The following GCA variants were observed in gnomAD, a reference collection of about 807,000 sequenced individuals.
GCA encodes grancalcin, EF-hand calcium-binding protein.
GCA carries 30 observed loss-of-function variants against 32.6 expected under a neutral mutation model. That is an observed-to-expected ratio of 0.92 (90% CI 0.69 to 1.25). GCA has a LOEUF of 1.25. Ranked by LOEUF, GCA falls within the 50% of genes most tolerant of loss-of-function variation. GCA has a pLI of 0.00. For synonymous variants in GCA, 102 were observed against 84.6 expected (o/e 1.21, Z -1.13); for missense variants, 291 against 266.8 (o/e 1.09, Z -0.63).
chr2:162,345,694 G>T (rs1322409086), intron 1 of GCA, among the ~76,000 whole-genome samples: 1 of 152,164 alleles, frequency 6.6e-6, no homozygotes, highest in Non-Finnish European at 1.5e-5. Context: ...TCGCCGGAAA[G>T]AGAAGTACCC....
intron 2 of GCA, among the ~76,000 whole-genome samples, chr2:162,349,364 A>G (rs533711832): frequency 3.5e-4 from 54 of 152,258 alleles, no homozygotes; most frequent in Admixed American, 2.7e-3. Context: ...GTTGAAATAA[A>G]TGAGCTTGTC....
intron 1 of GCA, among the ~76,000 whole-genome samples, chr2:162,327,746 A>T (rs1002089469): frequency 1.3e-5 from 2 of 152,222 alleles, no homozygotes; most frequent in African/African-American, 4.8e-5. Flanking sequence ...CTCCAGGAAC[A>T]GTTGGTCTGA....
chr2:162,343,425 C>T (rs1026795959), upstream of GCA, among the ~76,000 whole-genome samples: 2 of 152,218 alleles, frequency 1.3e-5, no homozygotes, highest in African/African-American at 4.8e-5. Context: ...AGTGTATAAA[C>T]AGCAAATAAG....
upstream of GCA, among the ~76,000 whole-genome samples, chr2:162,343,799 G>A (rs1183814160): frequency 6.6e-6 from 1 of 152,202 alleles, no homozygotes; most frequent in Non-Finnish European, 1.5e-5. Context: ...TGCCGGTTTG[G>A]GGTTTCTAGA....
chr2:162,348,337 A>T (rs1684816091), intron 2 of GCA, among the ~76,000 whole-genome samples: 1 of 152,212 alleles, frequency 6.6e-6, no homozygotes, highest in African/African-American at 2.4e-5. Flanking sequence ...AAAAAAACTC[A>T]GTTAAAACCT....
At chr2:162,345,118 T>TGGG (rs1684623896) in intron 1 of GCA, among the ~76,000 whole-genome samples, 1 of 138,584 alleles carries the variant, frequency 7.2e-6, no homozygotes, top group Admixed American at 7.2e-5. Context: ...GTGGTGGTGG[T>TGGG]GGTGGTGGTG....
intron 1 of GCA, among the ~76,000 whole-genome samples, chr2:162,333,292 A>G (rs1040656774): frequency 6.6e-6 from 1 of 152,164 alleles, no homozygotes; most frequent in Non-Finnish European, 1.5e-5. Flanking sequence ...TGAGACACCT[A>G]TTTATTAAGA....
chr2:162,321,834 G>C (rs551406138), intron 1 of GCA, among the ~76,000 whole-genome samples: 1 of 144,756 alleles, frequency 6.9e-6, no homozygotes, highest in African/African-American at 2.6e-5. Context: ...GAGATGGTGC[G>C]GTGCTAGTCT....
chr2:162,355,369 G>A (rs1685213593), intron 3 of GCA, among the ~76,000 whole-genome samples: 1 of 151,934 alleles, frequency 6.6e-6, no homozygotes, highest in Admixed American at 6.6e-5. Context: ...TTAACTCTTG[G>A]AATGTCTTAT....
chr2:162,333,191 T>C (rs2105278457), intron 1 of GCA, among the ~76,000 whole-genome samples: 1 of 152,152 alleles, frequency 6.6e-6, no homozygotes, highest in African/African-American at 2.4e-5. Context: ...CTGTATACCA[T>C]TTTGTTGAAG....
At chr2:162,325,971 G>A (rs1298504510) in intron 1 of GCA, among the ~76,000 whole-genome samples, 1 of 152,150 alleles carries the variant, frequency 6.6e-6, no homozygotes. Context: ...AGACGGGTTT[G>A]TTTAGGGTGA....
chr2:162,331,029 C>G (rs1056585906), intron 1 of GCA, among the ~76,000 whole-genome samples: 1 of 152,222 alleles, frequency 6.6e-6, no homozygotes, highest in Non-Finnish European at 1.5e-5. Flanking sequence ...CATACCTGAA[C>G]AAAGCTTACC....
upstream of GCA, among the ~76,000 whole-genome samples, chr2:162,339,808 T>C (rs1226263224): frequency 6.6e-6 from 1 of 152,212 alleles, no homozygotes; most frequent in Non-Finnish European, 1.5e-5. Flanking sequence ...CTTGGACTTC[T>C]AGTCTTCAGA....
chr2:162,319,657 A>C (rs745766599), intron 1 of GCA, among the ~76,000 whole-genome samples: 3 of 152,206 alleles, frequency 2.0e-5, no homozygotes, highest in Admixed American at 1.3e-4. Flanking sequence ...AGCCACATAA[A>C]TGTGAGTCCT....
At chr2:162,360,126 C>T in intron 7 of GCA, 91 bp from the exon 8 acceptor site, 1 of 791,322 alleles carries the variant, frequency 1.3e-6, no homozygotes, top group Non-Finnish European at 2.0e-6. Context: ...ACTTTTCTCT[C>T]TTAAGAAAAT....
chr2:162,372,920 C>G (rs1686011899), downstream of GCA, among the ~76,000 whole-genome samples: 1 of 152,004 alleles, frequency 6.6e-6, no homozygotes, highest in African/African-American at 2.4e-5. Flanking sequence ...GTTTATCATC[C>G]AAGTAAAAAA....
chr2:162,340,035 CA>C (rs1443392284), upstream of GCA, among the ~76,000 whole-genome samples: 1 of 152,108 alleles, frequency 6.6e-6, no homozygotes, highest in Non-Finnish European at 1.5e-5. Flanking sequence ...CAATGATGCC[CA>C]AAGAGGCCTT....
chr2:162,367,426 AAAG>A (rs1685787499), downstream of GCA, among the ~76,000 whole-genome samples: 2 of 152,006 alleles, frequency 1.3e-5, no homozygotes, highest in African/African-American at 4.8e-5. Flanking sequence ...TCATAGATCT[AAAG>A]AAGGACTTCC....
At chr2:162,357,213 A>C (rs7608315) in intron 5 of GCA, among the ~76,000 whole-genome samples, 93,461 of 151,568 alleles carry the variant, frequency 0.62, 31,358 homozygotes, top group East Asian at 0.98. Context: ...TTGGCAGGAT[A>C]TCTAATTGGG....
Sources: gnomAD v4.1 joint callset for allele counts (sites outside exome capture counted in the v4.1 genomes callset) on GRCh38, gnomAD v4.1.1 for gene constraint, MANE v1.5 for transcripts, NCBI Gene and HGNC (gene_info 2026-07-23, HGNC 2026-07-21) for gene names.